Variants in CDH2 observed in about 807,000 individuals in gnomAD.
CDH2 encodes the protein cadherin 2, also known as cadherin-2.
CDH2 carries 17 observed loss-of-function variants against 92.0 expected under a neutral mutation model. The observed-to-expected ratio is 0.18, with a 90% CI of 0.13 to 0.28. The LOEUF is 0.28. CDH2 is among the 10% of genes least tolerant of loss of function. The pLI is 1.00. For synonymous variants in CDH2, 419 were observed against 415.9 expected, an observed-to-expected ratio of 1.01 and a Z score of -0.09; for missense variants, 862 against 1,133.1, an observed-to-expected ratio of 0.76 and a Z score of 3.44.
intron 1 of CDH2, among the ~76,000 whole-genome samples, chr18:28,168,171 G>T (rs1368715146): frequency 1.3e-5 from 2 of 151,974 alleles, no homozygotes; most frequent in Admixed American, 1.3e-4. Flanking sequence ...GACATTTCGT[G>T]CAAGATTACA....
chr18:28,096,209 G>C (rs2015132133), intron 2 of CDH2, among the ~76,000 whole-genome samples: 1 of 152,122 alleles, frequency 6.6e-6, no homozygotes. Flanking sequence ...ATTCCTGAAA[G>C]AATGGAATGA....
chr18:27,953,186 A>T (rs1909547377), intron 15 of CDH2, among the ~76,000 whole-genome samples: 1 of 152,010 alleles, frequency 6.6e-6, no homozygotes, highest in Non-Finnish European at 1.5e-5. Flanking sequence ...AAAGAGGAGG[A>T]CTCCTGTCAA....
At chr18:28,099,461 T>C (rs182970737) in intron 2 of CDH2, among the ~76,000 whole-genome samples, 5 of 152,290 alleles carry the variant, frequency 3.3e-5, no homozygotes, top group Admixed American at 2.6e-4. Flanking sequence ...ATCTTACATT[T>C]TATGTTTGTA....
intron 14 of CDH2, among the ~76,000 whole-genome samples, chr18:27,974,853 C>A (rs1381052129): frequency 6.6e-6 from 1 of 152,172 alleles, no homozygotes; most frequent in Non-Finnish European, 1.5e-5. Flanking sequence ...GTGCCTTGAT[C>A]TTGGACTTCC....
chr18:27,938,279 T>G (rs1182685081), intron 6 of CDH2, among the ~76,000 whole-genome samples: 1 of 152,166 alleles, frequency 6.6e-6, no homozygotes, highest in Admixed American at 6.5e-5. Flanking sequence ...CTTGTTTTCT[T>G]AATAAATTAC....
At chr18:28,166,334 T>C (rs1255817564) in intron 1 of CDH2, among the ~76,000 whole-genome samples, 1 of 151,868 alleles carries the variant, frequency 6.6e-6, no homozygotes, top group African/African-American at 2.4e-5. Context: ...AATAATCCAC[T>C]GTTATCGACG....
rs11564286 is a variant in CDH2, at chr18:28,074,759, G to A, written c.173-60850C>T. On this transcript the variant is annotated intron_variant, in intron 2 of 15. Transcript: ENST00000269141. ...TGAACAGCTTTCTCCATCTGGTTTC[G>A]AGAATTCTTGGCTAAAAATTATGGG... Among the ~76,000 whole-genome samples the A allele has an allele frequency of 8.2e-3, 1,202 of 147,228 alleles. 16 individuals carry two copies. The highest frequency in any genetic ancestry group is 0.029 in the African/African-American group (1,147 of 39,910).
chr18:28,052,334 A>C (rs2014208341), intron 2 of CDH2, among the ~76,000 whole-genome samples: 1 of 152,182 alleles, frequency 6.6e-6, no homozygotes, highest in Non-Finnish European at 1.5e-5. Context: ...ATGAAGAAAA[A>C]GGAATTATTA....
intron 2 of CDH2, among the ~76,000 whole-genome samples, chr18:28,075,498 A>G (rs1356337962): frequency 1.3e-5 from 2 of 152,172 alleles, no homozygotes; most frequent in African/African-American, 2.4e-5. Flanking sequence ...CAAACAGGGA[A>G]CTGACATGTT....
chr18:28,006,800 G>GTGTAC (rs918039283), intron 5 of CDH2, among the ~76,000 whole-genome samples: 1 of 151,120 alleles, frequency 6.6e-6, no homozygotes, highest in African/African-American at 2.4e-5. Flanking sequence ...CTAGAAAGAA[G>GTGTAC]TGTACATAGG....
chr18:28,149,588 G>A (rs1262823375), intron 1 of CDH2, among the ~76,000 whole-genome samples: 3 of 152,060 alleles, frequency 2.0e-5, no homozygotes, highest in South Asian at 2.1e-4. Context: ...TGATGATTCC[G>A]CTTATATAAA....
chr18:28,048,749 G>A (rs1302983223), intron 2 of CDH2, among the ~76,000 whole-genome samples: 1 of 152,080 alleles, frequency 6.6e-6, no homozygotes, highest in Non-Finnish European at 1.5e-5. Context: ...CTTCAGAACA[G>A]GCAAACACTG....
intron 14 of CDH2, among the ~76,000 whole-genome samples, chr18:27,968,871 C>G (rs566865083): frequency 6.6e-6 from 1 of 152,154 alleles, no homozygotes; most frequent in Admixed American, 6.5e-5. Context: ...GACTGCGGCA[C>G]AGGCAAGAAA....
At chr18:28,153,850 C>T (rs188209342) in intron 1 of CDH2, among the ~76,000 whole-genome samples, 6 of 152,304 alleles carry the variant, frequency 3.9e-5, no homozygotes, top group Non-Finnish European at 7.4e-5. Context: ...TGGGGCAACA[C>T]GAATCCAACT....
At chr18:27,985,943 C>T (rs1419773472) in intron 11 of CDH2, among the ~76,000 whole-genome samples, 182 bp from the exon 12 acceptor site, 1 of 152,104 alleles carries the variant, frequency 6.6e-6, no homozygotes, top group Non-Finnish European at 1.5e-5. Flanking sequence ...TGCTTCCCTG[C>T]TAGAATGACC....
chr18:28,122,325 A>C (rs1443789336), intron 2 of CDH2, among the ~76,000 whole-genome samples: 1 of 152,154 alleles, frequency 6.6e-6, no homozygotes, highest in Non-Finnish European at 1.5e-5. Context: ...TATGGAAAGC[A>C]AGACTATTTC....
At chr18:28,015,199 C>T (rs536831242) in intron 2 of CDH2, among the ~76,000 whole-genome samples, 1 of 152,282 alleles carries the variant, frequency 6.6e-6, no homozygotes, top group African/African-American at 2.4e-5. Context: ...ATCTAAATAA[C>T]AGGCATGCTT....
chr18:27,981,463 C>T (rs575180339), intron 14 of CDH2, among the ~76,000 whole-genome samples: 22 of 152,248 alleles, frequency 1.4e-4, no homozygotes, highest in African/African-American at 4.6e-4. Flanking sequence ...AAGTTTTCAA[C>T]GTACTTTAAA....
chr18:28,011,610 C>G (rs953914267), intron 4 of CDH2, among the ~76,000 whole-genome samples: 3 of 152,110 alleles, frequency 2.0e-5, no homozygotes, highest in Non-Finnish European at 4.4e-5. Flanking sequence ...ACTGAACAAG[C>G]TTTCTAATCC....
Sources: allele counts gnomAD v4.1 joint callset (sites outside exome capture counted in the v4.1 genomes callset), GRCh38; gene constraint gnomAD v4.1.1; transcripts MANE v1.5; gene names NCBI Gene and HGNC (gene_info 2026-07-23, HGNC 2026-07-21).